RUNX1: variants seen among roughly 807,000 people sequenced by gnomAD.
The protein encoded by RUNX1 is RUNX family transcription factor 1.
RUNX1 carries 19 observed loss-of-function variants against 42.8 expected under a neutral mutation model. The observed-to-expected ratio is 0.44, with a 90% CI of 0.31 to 0.65. The LOEUF (loss-of-function observed/expected upper bound fraction) is 0.65, where lower values mean the gene tolerates loss of function less well. Ranked by LOEUF, RUNX1 falls within the 30% of genes least tolerant of loss-of-function variation. RUNX1 has a pLI of 0.07. For missense variants in RUNX1, 528 were observed against 672.0 expected (o/e 0.79, Z 2.37); for synonymous variants, 271 against 289.4 (o/e 0.94, Z 0.64).
chr21:34,973,872 G>A (rs1033741151), intron 2 of RUNX1, among the ~76,000 whole-genome samples: 1 of 152,094 alleles, frequency 6.6e-6, no homozygotes, highest in Non-Finnish European at 1.5e-5. Context: ...TGATATGATG[G>A]CTTTATCTAC....
At chr21:34,816,042 T>TC (rs2056821139) in intron 7 of RUNX1, among the ~76,000 whole-genome samples, 1 of 151,022 alleles carries the variant, frequency 6.6e-6, no homozygotes, top group Admixed American at 6.6e-5. Flanking sequence ...AGCCAGGCTC[T>TC]CCCCCCAGGT....
chr21:34,936,613 C>T lies in RUNX1; in HGVS notation c.59-43650G>A, dbSNP rs2058487470. On this transcript the variant is annotated intron_variant, in intron 2 of 8. Coordinates refer to ENST00000675419, the MANE Select transcript of RUNX1 (RefSeq NM_001754.5). ...ATCTAATTGCCCAGGGATGGGACTGCAAGAACACTCGAATGCACAAAGCAA... is the reference window on the plus strand; with the variant it reads ...ATCTAATTGCCCAGGGATGGGACTGTAAGAACACTCGAATGCACAAAGCAA... Among the ~76,000 whole-genome samples the T allele has an allele frequency of 2.0e-5, 3 of 152,166 alleles. No individual in the cohort carries two copies. The South Asian group carries it at 6.2e-4, about 32-fold the overall frequency.
At chr21:34,904,273 T>C (rs966767935) in intron 2 of RUNX1, among the ~76,000 whole-genome samples, 2 of 152,162 alleles carry the variant, frequency 1.3e-5, no homozygotes, top group Admixed American at 1.3e-4. Context: ...AGTTATCTTT[T>C]TGAAAGGTAG....
intron 2 of RUNX1, among the ~76,000 whole-genome samples, chr21:34,963,726 C>A (rs2834695): frequency 0.54 from 82,178 of 151,980 alleles, 22,577 homozygotes; most frequent in African/African-American, 0.63. Flanking sequence ...TGGATTTTGA[C>A]GGTGAATCAA....
rs1026270975 is a variant in RUNX1 at position 34,843,667 on chromosome 21, T to G, written c.614-9066A>C. Among the ~76,000 whole-genome samples, 34 of 152,200 alleles carry G rather than the reference T, an allele frequency of 2.2e-4. 1 individual carries two copies. The highest frequency in any genetic ancestry group is 8.2e-4 in the African/African-American group (34 of 41,540). Reference sequence around the variant, plus strand: ...TTCAAGCCAGAGACGCACACAGGCCTGCCCCTCCCCAGCCCCCCTGCACCA... The same window carrying G: ...TTCAAGCCAGAGACGCACACAGGCCGGCCCCTCCCCAGCCCCCCTGCACCA... On this transcript the variant is annotated intron_variant, in intron 6 of 8. Transcript: ENST00000675419. This position sits in a 1 kb window ranked among gnomAD's most constrained non-coding sequence, Gnocchi z 4.8.
At chr21:35,001,414 CAAT>C (rs1359409576) in intron 2 of RUNX1, among the ~76,000 whole-genome samples, 2 of 151,196 alleles carry the variant, frequency 1.3e-5, no homozygotes, top group Non-Finnish European at 2.9e-5. Flanking sequence ...ACAATGTTGG[CAAT>C]AATAATTACT....
At chr21:34,795,172 T>C (rs1288884458) in intron 8 of RUNX1, among the ~76,000 whole-genome samples, 5 of 152,240 alleles carry the variant, frequency 3.3e-5, no homozygotes, top group Non-Finnish European at 7.3e-5. Context: ...GCCTGTGTCC[T>C]TTTGAGTTCA....
At chr21:35,009,493 A>C (rs1473140282) in intron 2 of RUNX1, among the ~76,000 whole-genome samples, 2 of 152,204 alleles carry the variant, frequency 1.3e-5, no homozygotes, top group African/African-American at 4.8e-5. Context: ...ATGCAATTTT[A>C]GTGTTAATTA....
chr21:34,992,674 T>A (rs199563360), intron 2 of RUNX1, among the ~76,000 whole-genome samples: 58 of 129,434 alleles, frequency 4.5e-4, no homozygotes, highest in Middle Eastern at 3.7e-3. Flanking sequence ...ATTACAAATA[T>A]AAAAAAAAAA....
rs1305297998 is a variant in RUNX1 at position 34,907,319 on chromosome 21, C to A, written c.59-14356G>T. Among the ~76,000 whole-genome samples, 1 of 152,092 alleles carries A rather than the reference C, an allele frequency of 6.6e-6. No homozygotes were observed. The highest frequency in any genetic ancestry group is 1.5e-5 in the Non-Finnish European group (1 of 68,006). ...AAGTTTCTAAACAGTGACTTCTAAACAATAGGTTGTGACCCATAGATTGGT... is the reference window on the plus strand; with the variant it reads ...AAGTTTCTAAACAGTGACTTCTAAAAAATAGGTTGTGACCCATAGATTGGT... On this transcript the variant is annotated intron_variant, in intron 2 of 8. Coordinates refer to ENST00000675419, the MANE Select transcript of RUNX1 (RefSeq NM_001754.5). This position sits in a 1 kb window ranked among gnomAD's most constrained non-coding sequence, Gnocchi z 5.3.
chr21:34,970,084 A>T (rs1601621209), intron 2 of RUNX1, among the ~76,000 whole-genome samples: 1 of 152,230 alleles, frequency 6.6e-6, no homozygotes, highest in East Asian at 1.9e-4. Context: ...CACACTTGTT[A>T]TGCATTGAGA....
Position 34,994,972 on chromosome 21 carries a change from C to G in RUNX1, c.58+53870G>C, listed in dbSNP as rs189266572. Among the ~76,000 whole-genome samples the G allele has an allele frequency of 6.6e-5, 10 of 152,314 alleles. 1 individual carries two copies. The East Asian group carries it at 1.7e-3, about 26-fold the overall frequency. On this transcript the variant is annotated intron_variant, in intron 2 of 8. Coordinates refer to ENST00000675419, the MANE Select transcript of RUNX1 (RefSeq NM_001754.5). The stretch of plus-strand genomic sequence containing the variant: ...CATTGCAGGCAAGTGTCTTGGAGCT[C>G]CAGACAGGCCCGTGAACAGGGTGGC...
intron 7 of RUNX1, among the ~76,000 whole-genome samples, chr21:34,814,924 A>ACT (rs372183859): frequency 2.7e-5 from 4 of 150,942 alleles, no homozygotes; most frequent in African/African-American, 7.3e-5. Flanking sequence ...TCACTGACTG[A>ACT]CTCTCTCTCT....
chr21:34,817,821 A>T (rs1225152657), intron 7 of RUNX1, among the ~76,000 whole-genome samples: 1 of 152,158 alleles, frequency 6.6e-6, no homozygotes, highest in Non-Finnish European at 1.5e-5. Context: ...GATCCTTCAG[A>T]GCGATCATCA....
intron 5 of RUNX1, 81 bp downstream of exon 5, chr21:34,880,476 T>A: frequency 7.5e-7 from 1 of 1,325,196 alleles, no homozygotes; most frequent in Non-Finnish European, 1.1e-6. Flanking sequence ...AGGGATTCCA[T>A]CACAGAAATC....
Position 34,791,932 on chromosome 21 carries a change from C to T in RUNX1, c.*203G>A, listed in dbSNP as rs769517735. The T allele has an allele frequency of 2.9e-6, 1 of 340,714 alleles. No individual in the cohort carries two copies. The highest frequency in any genetic ancestry group is 5.5e-6 in the Non-Finnish European group (1 of 181,336). 21.1% of individuals were successfully genotyped at this position (340,714 alleles called of 1,614,324 possible). On this transcript the variant is annotated 3_prime_UTR_variant, in exon 9 of 9. Transcript: ENST00000675419. ...CCGCGAGGGCCGGGGCGCCAGCAGA[C>T]GGCGGCGGCGTGGGCTTCTGGGCGC... is the stretch of plus-strand genomic sequence containing the variant.
intron 5 of RUNX1, among the ~76,000 whole-genome samples, chr21:34,863,314 C>A (rs373669793): frequency 6.6e-6 from 1 of 152,148 alleles, no homozygotes; most frequent in African/African-American, 2.4e-5. Flanking sequence ...CCTACCACTG[C>A]CCCAAAAAGT....
rs371172026 is a variant in RUNX1 at position 34,868,667 on chromosome 21, T to C, written c.509-9089A>G. ...CCCTCTGAACCTTCACCAGGTTCTG[T>C]ACCTCTGAGCCTTGGCTCCCGCCAC... On this transcript the variant is annotated intron_variant, in intron 5 of 8. Transcript: ENST00000675419. 5.3e-5 allele frequency among the ~76,000 whole-genome samples: 8 copies of C among 152,364 alleles called. No individual in the cohort carries two copies. The South Asian group carries it at 8.3e-4, about 16-fold the overall frequency.
intron 2 of RUNX1, chr21:35,038,869 G>A (rs553074553): frequency 2.6e-6 from 1 of 384,210 alleles, no homozygotes; most frequent in Non-Finnish European, 5.3e-6. Context: ...TGTGCACATT[G>A]GCTGTTGTGG....
Sources: allele counts gnomAD v4.1 joint callset (sites outside exome capture counted in the v4.1 genomes callset), GRCh38; gene constraint gnomAD v4.1.1; non-coding constraint Gnocchi (gnomAD v3.1); transcripts MANE v1.5; gene names NCBI Gene and HGNC (gene_info 2026-07-23, HGNC 2026-07-21).